SYT1: variants seen among roughly 807,000 people sequenced by gnomAD.
SYT1 encodes the protein synaptotagmin 1, also known as synaptotagmin-1.
Under a neutral mutation model 44.8 loss-of-function variants are expected in SYT1, and 8 were observed. The observed-to-expected ratio is 0.18, with a 90% confidence interval of 0.10 to 0.32. The LOEUF (loss-of-function observed/expected upper bound fraction) is 0.32, where lower values mean the gene tolerates loss of function less well. Ranked by LOEUF, SYT1 falls within the 10% of genes least tolerant of loss-of-function variation. The probability of loss-of-function intolerance (pLI) is 1.00; values close to 1 mark genes in which losing one functional copy is unlikely to be tolerated. For synonymous variants in SYT1, 154 were observed against 188.8 expected, an observed-to-expected ratio of 0.82 and a Z score of 1.51; for missense variants, 286 against 509.3, an observed-to-expected ratio of 0.56 and a Z score of 4.22.
At chr12:79,063,362 G>C (rs1875526626) in intron 3 of SYT1, among the ~76,000 whole-genome samples, 1 of 152,168 alleles carries the variant, frequency 6.6e-6, no homozygotes, top group Non-Finnish European at 1.5e-5. Flanking sequence ...ATAGTTGCCT[G>C]TAGCAAAAGC....
At chr12:79,182,810 A>G (rs1872614942) in intron 3 of SYT1, among the ~76,000 whole-genome samples, 1 of 152,102 alleles carries the variant, frequency 6.6e-6, no homozygotes, top group African/African-American at 2.4e-5. Context: ...GTTACTTCTC[A>G]TTAGAAATCA....
intron 9 of SYT1, among the ~76,000 whole-genome samples, chr12:79,358,921 C>T (rs758745679): frequency 6.6e-6 from 1 of 152,198 alleles, no homozygotes; most frequent in African/African-American, 2.4e-5. Flanking sequence ...AGGGTGCCCC[C>T]TTTCTTGCCT....
chr12:78,878,827 G>C (rs1874307863), intron 1 of SYT1, among the ~76,000 whole-genome samples: 1 of 151,618 alleles, frequency 6.6e-6, no homozygotes, highest in African/African-American at 2.4e-5. Flanking sequence ...AGTACATAGG[G>C]GAGAGTGTCC....
At position 79,265,398 on chromosome 12, in the gene SYT1, A is replaced by G. The variant is rs368606556; in HGVS notation, c.167-20389A>G. Reference sequence around the variant, plus strand: ...GTTGTTGTTATGATTAATAGCAATTATGTTTTTTGACAAATGATTTTCACT... The same window carrying G: ...GTTGTTGTTATGATTAATAGCAATTGTGTTTTTTGACAAATGATTTTCACT... On this transcript the variant is annotated intron_variant, in intron 4 of 10. Transcript: ENST00000261205. Among the ~76,000 whole-genome samples the G allele has an allele frequency of 4.6e-5, 7 of 152,274 alleles. 1 individual carries two copies. The highest frequency in any genetic ancestry group is 3.3e-4 in the Admixed American group (5 of 15,292).
At position 78,876,830 on chromosome 12, in the gene SYT1, GTATTATATATAATATA is replaced by G. The variant is rs1565697689; in HGVS notation, c.-217+11741_-217+11756del. ...ATGTAATACATATCATATATTATAT[GTATTATATATAATATA>G]TATTATATATAATATATATAATATA... On this transcript the variant is annotated intron_variant, in intron 1 of 10. Coordinates refer to ENST00000261205, the MANE Select transcript of SYT1 (RefSeq NM_005639.3). Among the ~76,000 whole-genome samples, 151 of 22,902 alleles carry G rather than the reference GTATTATATATAATATA, an allele frequency of 6.6e-3. 2 individuals are homozygous for G. The highest frequency in any genetic ancestry group is 0.026 in the African/African-American group (107 of 4,180). 15.0% of individuals were successfully genotyped at this position (22,902 alleles called of 152,430 possible). A position where few individuals can be genotyped will look rare whatever the true frequency, so the allele number is the denominator to read the frequency against.
intron 4 of SYT1, among the ~76,000 whole-genome samples, chr12:79,225,738 A>G (rs1875477850): frequency 6.6e-6 from 1 of 152,176 alleles, no homozygotes; most frequent in Non-Finnish European, 1.5e-5. Flanking sequence ...GGCAAGGCTG[A>G]TAAGTATAGG....
intron 1 of SYT1, among the ~76,000 whole-genome samples, chr12:78,957,633 A>C (rs1373890073): frequency 3.3e-5 from 5 of 152,078 alleles, no homozygotes; most frequent in Admixed American, 3.3e-4. Context: ...GGAAAAGCTT[A>C]TATTCTTTGC....
chr12:79,122,027 C>T (rs553235045), intron 3 of SYT1, among the ~76,000 whole-genome samples: 1 of 152,296 alleles, frequency 6.6e-6, no homozygotes, highest in East Asian at 1.9e-4. Flanking sequence ...CTTGTCATTG[C>T]TTTCAGCACT....
chr12:79,117,893 G>T (rs1310084021), intron 3 of SYT1, among the ~76,000 whole-genome samples: 3 of 151,210 alleles, frequency 2.0e-5, no homozygotes. Context: ...ATAATTTGCA[G>T]AGTTCCAGGG....
chr12:79,381,247 C>T (rs1884211369), intron 9 of SYT1, among the ~76,000 whole-genome samples: 1 of 152,194 alleles, frequency 6.6e-6, no homozygotes, highest in African/African-American at 2.4e-5. Flanking sequence ...CCATCTCTTG[C>T]TTGCCTGAAA....
In SYT1 at chr12:79,287,141, A is replaced by C. The variant is rs370487013; in HGVS notation, c.351+1170A>C. Among the ~76,000 whole-genome samples the C allele has an allele frequency of 4.6e-5, 7 of 152,164 alleles. No homozygotes were observed. The East Asian group carries it at 5.8e-4, about 13-fold the overall frequency. Reference sequence around the variant, plus strand: ...TCTTTTTCCTCAAAGACACTATAGTATCTATTGATAATAATTTCACAAAGG... The same window carrying C: ...TCTTTTTCCTCAAAGACACTATAGTCTCTATTGATAATAATTTCACAAAGG... On this transcript the variant is annotated intron_variant, in intron 5 of 10. Coordinates refer to ENST00000261205, the MANE Select transcript of SYT1 (RefSeq NM_005639.3).
intron 3 of SYT1, among the ~76,000 whole-genome samples, chr12:79,215,454 G>A (rs756318971): frequency 2.0e-5 from 3 of 152,226 alleles, no homozygotes; most frequent in Middle Eastern, 3.4e-3. Flanking sequence ...ACTGAAAAAC[G>A]AAGAAGATCT....
At chr12:79,435,699 A>C (rs529215569) in intron 9 of SYT1, among the ~76,000 whole-genome samples, 239 of 152,288 alleles carry the variant, frequency 1.6e-3, no homozygotes, top group African/African-American at 5.4e-3. Flanking sequence ...GGAATAGTGG[A>C]GGGCAAGAAG....
intron 1 of SYT1, among the ~76,000 whole-genome samples, chr12:78,920,199 T>C (rs1473034449): frequency 4.6e-5 from 7 of 151,994 alleles, no homozygotes; most frequent in Non-Finnish European, 1.5e-5. Context: ...ATCTTGGAAA[T>C]CTATAATTAG....
chr12:78,926,214 A>G (rs1300208792), intron 1 of SYT1, among the ~76,000 whole-genome samples: 1 of 152,068 alleles, frequency 6.6e-6, no homozygotes, highest in Non-Finnish European at 1.5e-5. Flanking sequence ...AGATTAAGTC[A>G]TGCTCTGCAA....
At chr12:79,057,152 C>T (rs762214286) in intron 3 of SYT1, among the ~76,000 whole-genome samples, 13 of 152,136 alleles carry the variant, frequency 8.5e-5, no homozygotes, top group South Asian at 2.1e-4. Context: ...CAAATACTGA[C>T]AATTTTATTT....
intron 1 of SYT1, among the ~76,000 whole-genome samples, chr12:78,970,890 AGAT>A (rs1397030353): frequency 6.6e-6 from 1 of 152,198 alleles, no homozygotes; most frequent in African/African-American, 2.4e-5. Context: ...TTTGTTTTCT[AGAT>A]GATGAAATCA....
Position 79,234,809 on chromosome 12 carries a change from C to T in SYT1, c.166+17124C>T, listed in dbSNP as rs191246780. Among the ~76,000 whole-genome samples the T allele has an allele frequency of 1.5e-3, 227 of 150,174 alleles. 1 individual carries two copies. The highest frequency in any genetic ancestry group is 5.3e-3 in the African/African-American group (216 of 40,774). ...CACTGCAACCTCCGCCTTCTGGGTT[C>T]AAGCAATTCTCCTGTCTCAGCCTCC... On this transcript the variant is annotated intron_variant, in intron 4 of 10. Transcript: ENST00000261205.
At chr12:79,068,662 T>A (rs1379766398) in intron 3 of SYT1, among the ~76,000 whole-genome samples, 9 of 152,152 alleles carry the variant, frequency 5.9e-5, no homozygotes, top group Admixed American at 5.9e-4. Context: ...TTCCTCCTAC[T>A]CTATTCCAAA....
Sources: allele counts gnomAD v4.1 joint callset (sites outside exome capture counted in the v4.1 genomes callset), GRCh38; gene constraint gnomAD v4.1.1; transcripts MANE v1.5; gene names NCBI Gene and HGNC (gene_info 2026-07-23, HGNC 2026-07-21).